Variants in NRCAM observed in about 807,000 individuals in gnomAD.
NRCAM encodes the protein NgCAM-related cell adhesion molecule.
NRCAM carries 83 observed loss-of-function variants against 156.5 expected under a neutral mutation model. The ratio of observed to expected loss-of-function variants is 0.53; its 90% CI spans 0.44 to 0.64. The LOEUF is 0.64. Ranked by LOEUF, NRCAM falls within the 30% of genes least tolerant of loss-of-function variation. NRCAM has a pLI of 0.00. For missense variants in NRCAM, 1,417 were observed against 1,597.3 expected (o/e 0.89, Z 1.92); for synonymous variants, 538 against 563.9 (o/e 0.95, Z 0.65).
At chr7:108,349,908 G>T (rs533187731) in intron 2 of NRCAM, among the ~76,000 whole-genome samples, 1 of 152,250 alleles carries the variant, frequency 6.6e-6, no homozygotes, top group African/African-American at 2.4e-5. Flanking sequence ...AATAAAATCT[G>T]AATTCCTTGT....
intron 2 of NRCAM, among the ~76,000 whole-genome samples, chr7:108,342,692 T>C (rs956318357): frequency 6.6e-6 from 1 of 152,238 alleles, no homozygotes; most frequent in African/African-American, 2.4e-5. Flanking sequence ...CTGCAACCCA[T>C]GGCATACCTG....
chr7:108,196,187 C>T (rs1244043693), intron 14 of NRCAM, among the ~76,000 whole-genome samples: 1 of 152,112 alleles, frequency 6.6e-6, no homozygotes, highest in African/African-American at 2.4e-5. Context: ...AAATAACAGC[C>T]AAGTATATTT....
chr7:108,295,214 G>A (rs1427607337), intron 3 of NRCAM, among the ~76,000 whole-genome samples: 2 of 152,056 alleles, frequency 1.3e-5, no homozygotes, highest in African/African-American at 2.4e-5. Flanking sequence ...CAGAGGGCTC[G>A]CTCTGTACTA....
intron 2 of NRCAM, among the ~76,000 whole-genome samples, chr7:108,318,715 T>C (rs2098962898): frequency 6.6e-6 from 1 of 152,066 alleles, no homozygotes; most frequent in African/African-American, 2.4e-5. Context: ...TGGTTCTGAA[T>C]AGAGAAAAGG....
In NRCAM at chr7:108,234,679, G is replaced by A; in HGVS notation, c.134C>T (p.Pro45Leu). The A allele has an allele frequency of 6.2e-7, 1 of 1,600,328 alleles. No homozygotes were observed. The highest frequency in any genetic ancestry group is 2.2e-5 in the East Asian group (1 of 44,792). ...DPKLLEDLVQ[P>L]PTITQQSPKD... Reference sequence around the variant, plus strand: ...TGGAGACTGTTGGGTGATGGTTGGAGGCTGTACCACTTAATTGTAGAAAAA... The same window carrying A: ...TGGAGACTGTTGGGTGATGGTTGGAAGCTGTACCACTTAATTGTAGAAAAA... The change falls in exon 6 of 33, where the codon CCT (proline) becomes CTT (leucine). Residue 45 changes from proline (P) to leucine (L), a missense_variant. Physicochemically the swap from Pro to Leu is moderately conservative, Grantham distance 98. Transcript: ENST00000379028.
intron 3 of NRCAM, among the ~76,000 whole-genome samples, chr7:108,260,420 G>A (rs2096848631): frequency 6.6e-6 from 1 of 152,162 alleles, no homozygotes; most frequent in South Asian, 2.1e-4. Flanking sequence ...GGAGGAATGA[G>A]GTACAAGGGG....
intron 2 of NRCAM, among the ~76,000 whole-genome samples, chr7:108,353,446 A>C (rs1398936418): frequency 6.6e-6 from 1 of 151,948 alleles, no homozygotes; most frequent in African/African-American, 2.4e-5. Context: ...AGACTCCTGG[A>C]GTAGTTAGAG....
rs540528273 is a variant in NRCAM at position 108,208,680 on chromosome 7, T to A, written c.1075+741A>T. 3.9e-5 allele frequency among the ~76,000 whole-genome samples: 6 copies of A among 152,320 alleles called. No individual in the cohort carries two copies. In the South Asian group the frequency reaches 1.2e-3, roughly 32 times the overall value. On this transcript the variant is annotated intron_variant, in intron 12 of 32. Coordinates refer to ENST00000379028, the MANE Select transcript of NRCAM (RefSeq NM_001037132.4). ...TTGTCTTTTGTGACCTTGACACTTTTGAAGAGTACTGGTCAGTTATTTCGT... is the reference window on the plus strand; with the variant it reads ...TTGTCTTTTGTGACCTTGACACTTTAGAAGAGTACTGGTCAGTTATTTCGT...
rs900710244 is a variant in NRCAM at position 108,250,442 on chromosome 7, A to G, written c.-106-10272T>C. Reference sequence around the variant, plus strand: ...TCTTACCTCAAAAAAAAAAAAAAAAAAAAAAAAAGAAAGAGAGAGATCCTG... The same window carrying G: ...TCTTACCTCAAAAAAAAAAAAAAAAGAAAAAAAAGAAAGAGAGAGATCCTG... On this transcript the variant is annotated intron_variant, in intron 3 of 32. Coordinates refer to ENST00000379028, the MANE Select transcript of NRCAM (RefSeq NM_001037132.4). Among the ~76,000 whole-genome samples, 14 of 151,280 alleles carry G rather than the reference A, an allele frequency of 9.3e-5. 1 individual carries two copies. The highest frequency in any genetic ancestry group is 4.2e-4 in the South Asian group (2 of 4,810).
At chr7:108,338,367 C>T (rs184913700) in intron 2 of NRCAM, among the ~76,000 whole-genome samples, 257 of 151,650 alleles carry the variant, frequency 1.7e-3, no homozygotes, top group Middle Eastern at 0.014. Context: ...AGTTGTATCT[C>T]CAAAGGGATA....
At position 108,232,435 on chromosome 7, in the gene NRCAM, A is replaced by C; in HGVS notation, c.318T>G (p.Ile106Met). The stretch of plus-strand genomic sequence containing the variant: ...CAGCTTTCCCTTCGCTCATGATGTT[A>C]ATTATGAGCGTTCCTGTGCCAGGCT... ...TMKPGTGTLI[I>M]NIMSEGKAET... The change falls in exon 7 of 33, where the codon ATT becomes ATG. Residue 106 changes from isoleucine (I) to methionine (M), a missense_variant. Ile to Met is a conservative substitution (Grantham distance 10). Around this residue, in one of 2 missense-constraint regions of NRCAM, gnomAD observed 1,238 missense variants for 1,336.4 expected, o/e 0.93. Coordinates refer to ENST00000379028, the MANE Select transcript of NRCAM (RefSeq NM_001037132.4). The C allele has an allele frequency of 6.2e-7, 1 of 1,612,740 alleles. No homozygotes were observed. The highest frequency in any genetic ancestry group is 1.3e-5 in the African/African-American group (1 of 74,960).
At chr7:108,191,608 G>T in intron 18 of NRCAM, 121 bp downstream of exon 18, 1 of 1,198,888 alleles carries the variant, frequency 8.3e-7, no homozygotes, top group South Asian at 1.8e-5. Context: ...GAAAAACATG[G>T]GTATGAACTC....
chr7:108,295,745 C>T (rs1215907057), intron 3 of NRCAM, among the ~76,000 whole-genome samples: 2 of 152,208 alleles, frequency 1.3e-5, no homozygotes, highest in Non-Finnish European at 2.9e-5. Flanking sequence ...TTTGAGTCCG[C>T]AGATGTGAAA....
At chr7:108,154,749 A>G (rs73412316) in intron 32 of NRCAM, among the ~76,000 whole-genome samples, 2,160 of 152,252 alleles carry the variant, frequency 0.014, 58 homozygotes, top group African/African-American at 0.05. Context: ...TAAGTCATAC[A>G]CACAGTGCTG....
intron 2 of NRCAM, among the ~76,000 whole-genome samples, chr7:108,391,221 G>T (rs539410983): frequency 3.3e-5 from 5 of 152,110 alleles, no homozygotes; most frequent in African/African-American, 9.6e-5. Context: ...TCTCTTTGTA[G>T]GTCACTAAGG....
chr7:108,167,599 C>T (rs1227534065), intron 29 of NRCAM, among the ~76,000 whole-genome samples: 1 of 152,172 alleles, frequency 6.6e-6, no homozygotes, highest in Non-Finnish European at 1.5e-5. Flanking sequence ...ATGATAAAGG[C>T]TTAAACAGAA....
In NRCAM at chr7:108,240,165, G is replaced by A. The variant is rs1056310341; in HGVS notation, c.-101C>T. 14 of 744,162 alleles carry A rather than the reference G, an allele frequency of 1.9e-5. No individual in the cohort carries two copies. Among genetic ancestry groups the A allele is most frequent in the South Asian group, 3.3e-5 (2 of 60,238 alleles). The allele number at this position is 744,162 out of a possible 1,614,324, so 46.1% of individuals were successfully genotyped here. A position where few individuals can be genotyped will look rare whatever the true frequency, so the allele number is the denominator to read the frequency against. On this transcript the variant is annotated 5_prime_UTR_variant, in exon 4 of 33. Coordinates refer to ENST00000379028, the MANE Select transcript of NRCAM (RefSeq NM_001037132.4). ...TGCAACGTTTAAGTAATTTTCATGC[G>A]GGAAACTGAAAAAGGATAGAGTAGG...
intron 11 of NRCAM, among the ~76,000 whole-genome samples, chr7:108,213,156 T>A (rs918469580): frequency 2.6e-5 from 4 of 152,102 alleles, no homozygotes; most frequent in African/African-American, 9.7e-5. Flanking sequence ...AGCATCATAT[T>A]TGAAGGAAAG....
chr7:108,398,650 A>C (rs2099783644), intron 2 of NRCAM, among the ~76,000 whole-genome samples: 2 of 151,800 alleles, frequency 1.3e-5, no homozygotes, highest in African/African-American at 4.8e-5. Context: ...CTCCTATTCC[A>C]CTTTCAGGAG....
Sources: allele counts gnomAD v4.1 joint callset (sites outside exome capture counted in the v4.1 genomes callset), GRCh38; gene constraint gnomAD v4.1.1; regional missense constraint gnomAD v4.1.1; transcripts MANE v1.5; gene names NCBI Gene and HGNC (gene_info 2026-07-23, HGNC 2026-07-21).